OLFM2: variants seen among roughly 807,000 people sequenced by gnomAD.
The protein encoded by OLFM2 is olfactomedin 2, also known as noelin-2.
Under a neutral mutation model 43.9 loss-of-function variants are expected in OLFM2, and 20 were observed. The ratio of observed to expected loss-of-function variants is 0.46; its 90% CI spans 0.32 to 0.66. The LOEUF (loss-of-function observed/expected upper bound fraction) is 0.66. Ranked by LOEUF, OLFM2 falls within the 30% of genes least tolerant of loss-of-function variation. OLFM2 has a pLI of 0.04. For synonymous variants in OLFM2, 268 were observed against 278.6 expected (o/e 0.96, Z 0.38); for missense variants, 416 against 643.6 (o/e 0.65, Z 3.83).
intron 1 of OLFM2, among the ~76,000 whole-genome samples, chr19:9,867,925 A>G (rs1013918423): frequency 6.6e-6 from 1 of 151,942 alleles, no homozygotes; most frequent in Admixed American, 6.6e-5. Flanking sequence ...TTTTGGAGAC[A>G]GGGTCTTGCT....
chr19:9,854,846 G>A lies in OLFM2; in HGVS notation c.705C>T (p.Gly235=), dbSNP rs768122630. 47 of 1,595,766 alleles carry A rather than the reference G, an allele frequency of 2.9e-5. 1 individual carries two copies. The South Asian group carries it at 4.9e-4, about 17-fold the overall frequency. Residue 235 remains glycine (G), a synonymous_variant, in exon 6 of 6, where the codon GGC becomes GGT. Coordinates refer to ENST00000264833, the MANE Select transcript of OLFM2 (RefSeq NM_058164.4). This position sits in a 1 kb window ranked among gnomAD's most constrained non-coding sequence, Gnocchi z 9.5. ...CCAGGACCCGGCGGCCTTTGTAATA[G>A]CCATCCATGTACCAGACCTATGGTA... ...SADSRVWYMD[G]YYKGRRVLEF...
intron 1 of OLFM2, among the ~76,000 whole-genome samples, chr19:9,900,506 C>T (rs911294399): frequency 6.6e-6 from 1 of 152,074 alleles, no homozygotes; most frequent in Non-Finnish European, 1.5e-5. Flanking sequence ...AAACCACGGT[C>T]TCTACCACGC....
intron 1 of OLFM2, among the ~76,000 whole-genome samples, chr19:9,880,481 C>T (rs144854843): frequency 2.8e-4 from 43 of 152,190 alleles, no homozygotes; most frequent in African/African-American, 1.0e-3. Flanking sequence ...CCTGTAATCC[C>T]AGCACTTTAG....
chr19:9,918,237 C>G (rs558619526), intron 1 of OLFM2, among the ~76,000 whole-genome samples: 2 of 150,738 alleles, frequency 1.3e-5, no homozygotes, highest in African/African-American at 4.9e-5. Flanking sequence ...GTTGCCCAGG[C>G]TGGAGTGCAG....
intron 1 of OLFM2, among the ~76,000 whole-genome samples, chr19:9,895,887 T>G (rs1157264291): frequency 1.3e-5 from 2 of 151,994 alleles, no homozygotes; most frequent in African/African-American, 4.8e-5. Context: ...TCACCCGCCT[T>G]GGCCTCTGAA....
At chr19:9,912,151 C>G (rs2046832277) in intron 1 of OLFM2, among the ~76,000 whole-genome samples, 1 of 152,138 alleles carries the variant, frequency 6.6e-6, no homozygotes, top group South Asian at 2.1e-4. Context: ...CACACCAGGA[C>G]ATACCCAAAT....
chr19:9,923,227 T>C (rs2086431303), intron 1 of OLFM2, among the ~76,000 whole-genome samples: 1 of 152,112 alleles, frequency 6.6e-6, no homozygotes, highest in South Asian at 2.1e-4. Context: ...TTTGTGGACA[T>C]GCACAGTGAT....
intron 1 of OLFM2, among the ~76,000 whole-genome samples, chr19:9,896,511 C>T (rs1157651144): frequency 2.6e-5 from 4 of 152,208 alleles, no homozygotes; most frequent in African/African-American, 9.7e-5. Flanking sequence ...ATCCTCCCAC[C>T]CCGGCCTCCG....
chr19:9,901,085 GT>G (rs1430680900), intron 1 of OLFM2, among the ~76,000 whole-genome samples: 3 of 121,218 alleles, frequency 2.5e-5, no homozygotes, highest in Admixed American at 8.2e-5. Context: ...AAGAAAGAGA[GT>G]GAGGAAGGAA....
At chr19:9,876,755 T>C (rs1216797452) in intron 1 of OLFM2, among the ~76,000 whole-genome samples, 1 of 152,202 alleles carries the variant, frequency 6.6e-6, no homozygotes, top group African/African-American at 2.4e-5. Flanking sequence ...AGTTAGAGTA[T>C]ATAGCTAAGA....
intron 1 of OLFM2, among the ~76,000 whole-genome samples, chr19:9,923,851 G>C (rs1284932499): frequency 6.6e-6 from 1 of 151,816 alleles, no homozygotes; most frequent in East Asian, 1.9e-4. Context: ...TGTAATCCCA[G>C]CACTTTGGGA....
intron 1 of OLFM2, among the ~76,000 whole-genome samples, chr19:9,885,450 G>C (rs546425324): frequency 6.6e-6 from 1 of 152,282 alleles, no homozygotes; most frequent in East Asian, 1.9e-4. Context: ...GGGGGAGTGT[G>C]GGAGATGCTC....
intron 1 of OLFM2, among the ~76,000 whole-genome samples, chr19:9,898,290 G>A (rs990579140): frequency 1.3e-5 from 2 of 150,668 alleles, no homozygotes; most frequent in Admixed American, 6.6e-5. Context: ...GGGAGGCCAA[G>A]GCAGGCAGAT....
intron 1 of OLFM2, among the ~76,000 whole-genome samples, chr19:9,899,282 G>A (rs1342063158): frequency 6.7e-6 from 1 of 149,982 alleles, no homozygotes; most frequent in Non-Finnish European, 1.5e-5. Context: ...AAAAAAAAAA[G>A]AATAAAAGCC....
At chr19:9,910,924 A>G (rs982207998) in intron 1 of OLFM2, among the ~76,000 whole-genome samples, 9 of 152,248 alleles carry the variant, frequency 5.9e-5, no homozygotes, top group Admixed American at 5.9e-4. Context: ...TGATGGATAG[A>G]TGGACAGACT....
At chr19:9,883,424 G>A (rs1169409811) in intron 1 of OLFM2, among the ~76,000 whole-genome samples, 1 of 152,040 alleles carries the variant, frequency 6.6e-6, no homozygotes, top group African/African-American at 2.4e-5. Context: ...AGGGGAGGGG[G>A]TAGTGGCGGC....
At chr19:9,863,194 G>A (rs2046376825) in intron 1 of OLFM2, among the ~76,000 whole-genome samples, 1 of 152,116 alleles carries the variant, frequency 6.6e-6, no homozygotes. Context: ...CATGCCTGGT[G>A]TGTTTGTGAA....
At chr19:9,882,407 G>A (rs1019950894) in intron 1 of OLFM2, among the ~76,000 whole-genome samples, 25 of 150,372 alleles carry the variant, frequency 1.7e-4, no homozygotes, top group East Asian at 1.2e-3. Context: ...GCAAGGTGGC[G>A]GGCGCCTGTA....
At chr19:9,883,651 C>A (rs953218964) in intron 1 of OLFM2, among the ~76,000 whole-genome samples, 2 of 152,118 alleles carry the variant, frequency 1.3e-5, no homozygotes, top group African/African-American at 4.8e-5. Flanking sequence ...TGCATTGTAC[C>A]CGCCAGCGCC....
Sources: gnomAD v4.1 joint callset for allele counts (sites outside exome capture counted in the v4.1 genomes callset) on GRCh38, gnomAD v4.1.1 for gene constraint, Gnocchi (gnomAD v3.1) non-coding constraint, MANE v1.5 for transcripts, NCBI Gene and HGNC (gene_info 2026-07-23, HGNC 2026-07-21) for gene names.